Variants in EXOC4 observed in about 807,000 individuals in gnomAD.
The protein encoded by EXOC4 is SEC8-like 1.
Under a neutral mutation model 107.2 loss-of-function variants are expected in EXOC4, and 71 were observed. That is an observed-to-expected ratio of 0.66 (90% CI 0.55 to 0.81). EXOC4 has a LOEUF of 0.81. EXOC4 is among the 30% of genes least tolerant of loss of function. The probability of loss-of-function intolerance (pLI) is 0.00; values close to 1 mark genes in which losing one functional copy is unlikely to be tolerated. For missense variants in EXOC4, 1,108 were observed against 1,189.6 expected (o/e 0.93, Z 1.01); for synonymous variants, 456 against 441.2 (o/e 1.03, Z -0.42).
chr7:133,440,276 G>A lies in EXOC4; in HGVS notation c.1183-35052G>A, dbSNP rs1447392822. Among the ~76,000 whole-genome samples the A allele has an allele frequency of 2.0e-5, 3 of 152,176 alleles. No individual in the cohort carries two copies. The East Asian group carries it at 5.8e-4, about 29-fold the overall frequency. ...ACAGTGACTTATTCAGGGATTCAGA[G>A]GAAAGTAAGGTACTGGAATCAATTC... On this transcript the variant is annotated intron_variant, in intron 7 of 17. Transcript: ENST00000253861.
chr7:133,817,048 C>G (rs1797389262), intron 10 of EXOC4, among the ~76,000 whole-genome samples: 1 of 152,094 alleles, frequency 6.6e-6, no homozygotes, highest in Admixed American at 6.6e-5. Context: ...CCCATTGTTT[C>G]TTGTAGTCTT....
At chr7:133,399,712 A>G (rs1167068659) in intron 7 of EXOC4, among the ~76,000 whole-genome samples, 1 of 152,224 alleles carries the variant, frequency 6.6e-6, no homozygotes, top group Non-Finnish European at 1.5e-5. Context: ...AATGCTTCAC[A>G]TGGAGGTGAA....
intron 10 of EXOC4, among the ~76,000 whole-genome samples, chr7:133,746,285 G>T (rs10247014): frequency 0.39 from 59,101 of 151,962 alleles, 13,054 homozygotes; most frequent in Admixed American, 0.55. Context: ...CTTCCTTTTT[G>T]ATTAGGATAG....
chr7:133,354,986 A>T (rs1795991677), intron 5 of EXOC4, among the ~76,000 whole-genome samples: 1 of 152,110 alleles, frequency 6.6e-6, no homozygotes, highest in South Asian at 2.1e-4. Flanking sequence ...CCTCCTTAAG[A>T]GCGTTTTATA....
intron 10 of EXOC4, among the ~76,000 whole-genome samples, chr7:133,749,978 T>G (rs1248627541): frequency 2.7e-5 from 4 of 147,804 alleles, no homozygotes; most frequent in African/African-American, 1.0e-4. Flanking sequence ...TTTTTTTTTT[T>G]TTTTTTTAAC....
intron 9 of EXOC4, among the ~76,000 whole-genome samples, chr7:133,539,028 A>G (rs1479814861): frequency 6.6e-6 from 1 of 151,010 alleles, no homozygotes; most frequent in Non-Finnish European, 1.5e-5. Context: ...GTCATTCTCT[A>G]TTCTGGAAAT....
intron 7 of EXOC4, among the ~76,000 whole-genome samples, chr7:133,381,319 A>G (rs1474822536): frequency 6.6e-6 from 1 of 152,194 alleles, no homozygotes; most frequent in African/African-American, 2.4e-5. Context: ...AGACACACAG[A>G]CAGACTAATG....
intron 10 of EXOC4, among the ~76,000 whole-genome samples, chr7:133,679,002 T>C (rs1562904266): frequency 6.6e-6 from 1 of 152,324 alleles, no homozygotes; most frequent in Admixed American, 6.5e-5. Flanking sequence ...TTATTTTTTA[T>C]TTTTGTGTTT....
chr7:134,032,013 A>G (rs1317103851), intron 17 of EXOC4, among the ~76,000 whole-genome samples: 2 of 152,210 alleles, frequency 1.3e-5, no homozygotes, highest in African/African-American at 2.4e-5. Context: ...CAAAGAGTAC[A>G]GCCCTTCTGG....
intron 11 of EXOC4, among the ~76,000 whole-genome samples, chr7:133,868,239 A>G (rs926530190): frequency 6.6e-6 from 1 of 152,150 alleles, no homozygotes; most frequent in Non-Finnish European, 1.5e-5. Context: ...CAATGTCAGT[A>G]TGTTTAGGTC....
chr7:133,275,525 C>T (rs903953166), intron 2 of EXOC4, among the ~76,000 whole-genome samples: 3 of 152,190 alleles, frequency 2.0e-5, no homozygotes, highest in African/African-American at 7.2e-5. Context: ...AGCAGTTATT[C>T]TTGTATTTCA....
chr7:133,774,807 A>G (rs991498240), intron 10 of EXOC4, among the ~76,000 whole-genome samples: 1 of 152,148 alleles, frequency 6.6e-6, no homozygotes, highest in Non-Finnish European at 1.5e-5. Flanking sequence ...TTCAAGAATC[A>G]CTGAGGCTTA....
the EXOC4 span, among the ~76,000 whole-genome samples, chr7:134,090,671 G>A: frequency 6.6e-6 from 1 of 152,080 alleles, no homozygotes; most frequent in South Asian, 2.1e-4. Flanking sequence ...GCAGCCACTT[G>A]TTGGTCATGA....
chr7:134,034,669 C>T (rs1795348330), intron 17 of EXOC4, among the ~76,000 whole-genome samples: 1 of 152,206 alleles, frequency 6.6e-6, no homozygotes, highest in Non-Finnish European at 1.5e-5. Context: ...CCTCCCCAGA[C>T]ATGTTGAACT....
At chr7:133,895,482 C>G in intron 11 of EXOC4, 117 bp from the exon 12 acceptor site, 2 of 1,046,756 alleles carry the variant, frequency 1.9e-6, no homozygotes, top group Non-Finnish European at 2.8e-6. Context: ...TTCAAAATGT[C>G]ACATTCTTGC....
intron 14 of EXOC4, among the ~76,000 whole-genome samples, chr7:133,993,061 T>A (rs1310285129): frequency 6.6e-6 from 1 of 152,150 alleles, no homozygotes; most frequent in Non-Finnish European, 1.5e-5. Flanking sequence ...TTTATTGATT[T>A]GCATATGTTG....
At chr7:133,774,521 C>T (rs924007961) in intron 10 of EXOC4, among the ~76,000 whole-genome samples, 7 of 152,262 alleles carry the variant, frequency 4.6e-5, no homozygotes, top group African/African-American at 7.2e-5. Flanking sequence ...CTTGTGCCAT[C>T]GTCGTTTAAC....
At chr7:133,289,775 G>A (rs1794362405) in intron 3 of EXOC4, among the ~76,000 whole-genome samples, 1 of 152,156 alleles carries the variant, frequency 6.6e-6, no homozygotes, top group South Asian at 2.1e-4. Flanking sequence ...AAGGCCTGTG[G>A]CTCTTAGAGA....
intron 9 of EXOC4, among the ~76,000 whole-genome samples, chr7:133,519,157 G>A (rs1799935527): frequency 6.6e-6 from 1 of 152,104 alleles, no homozygotes; most frequent in Non-Finnish European, 1.5e-5. Context: ...GCTCATGCTT[G>A]TAATCCCAGC....
Sources: gnomAD v4.1 joint callset for allele counts (sites outside exome capture counted in the v4.1 genomes callset) on GRCh38, gnomAD v4.1.1 for gene constraint, MANE v1.5 for transcripts, NCBI Gene and HGNC (gene_info 2026-07-23, HGNC 2026-07-21) for gene names.